RECQL5: variants seen among roughly 807,000 people sequenced by gnomAD.
RECQL5 encodes the protein RecQ like helicase 5.
Under a neutral mutation model 103.4 loss-of-function variants are expected in RECQL5, and 88 were observed. That is an observed-to-expected ratio of 0.85 (90% CI 0.72 to 1.02). The LOEUF (loss-of-function observed/expected upper bound fraction) is 1.02. Among genes scored for constraint, RECQL5 ranks in the 50% least tolerant of loss-of-function variants. RECQL5 has a pLI of 0.00. For missense variants in RECQL5, 1,232 were observed against 1,284.3 expected, an observed-to-expected ratio of 0.96 and a Z score of 0.62; for synonymous variants, 552 against 507.9, an observed-to-expected ratio of 1.09 and a Z score of -1.17.
chr17:75,629,416 G>C lies in RECQL5; in HGVS notation c.2007C>G (p.Ala669=), dbSNP rs2059164607. 6.6e-7 allele frequency: 1 copy of C among 1,506,318 alleles called. No individual in the cohort carries two copies. The highest frequency in any genetic ancestry group is 1.4e-5 in the African/African-American group (1 of 71,504). The allele number at this position is 1,506,318 out of a possible 1,614,324, so 93.3% of individuals were successfully genotyped here. Reference sequence around the variant, plus strand: ...TCCGAGTTGTCTCCATCAGTTCCGTGGCCGTCTGGAACGGGCAGGAGCCTT... The same window carrying C: ...TCCGAGTTGTCTCCATCAGTTCCGTCGCCGTCTGGAACGGGCAGGAGCCTT... ...FPKGSCPFQT[A]TELMETTRIR... is the part of the protein sequence containing the mutation. The change falls in exon 16 of 20, where the codon GCC becomes GCG. Residue 669 remains alanine (A), a synonymous_variant. Coordinates refer to ENST00000317905, the MANE Select transcript of RECQL5 (RefSeq NM_004259.7).
intron 17 of RECQL5, 57 bp downstream of exon 17, chr17:75,628,615 T>A: frequency 6.5e-7 from 1 of 1,529,154 alleles, no homozygotes; most frequent in Non-Finnish European, 8.7e-7. Flanking sequence ...GCACAACAGC[T>A]CCTGGCCTCG....
intron 8 of RECQL5, 63 bp from the exon 9 acceptor site, chr17:75,631,731 C>T (rs1040754647): frequency 8.3e-6 from 13 of 1,560,530 alleles, no homozygotes; most frequent in Non-Finnish European, 1.1e-5. Flanking sequence ...GTCTGTTCAC[C>T]CGAGCCTGAA....
chr17:75,636,701 C>G lies in RECQL5; in HGVS notation c.1230-5033G>C, dbSNP rs1445110052. 6.6e-6 allele frequency: 1 copy of G among 152,368 alleles called. No individual in the cohort carries two copies. The highest frequency in any genetic ancestry group is 1.5e-5 in the Non-Finnish European group (1 of 68,138). The allele number at this position is 152,368 out of a possible 1,614,324, so 9.4% of individuals were successfully genotyped here. A position where few individuals can be genotyped will look rare whatever the true frequency, so the allele number is the denominator to read the frequency against. Reference sequence around the variant, plus strand: ...GAACAGGACCCCTCAGCTCCCCCACCTGCGCCATGAAGGTTCAGTCGCGGG... The same window carrying G: ...GAACAGGACCCCTCAGCTCCCCCACGTGCGCCATGAAGGTTCAGTCGCGGG... On this transcript the variant is annotated intron_variant, in intron 8 of 19. Coordinates refer to ENST00000317905, the MANE Select transcript of RECQL5 (RefSeq NM_004259.7). This position sits in a 1 kb window ranked among gnomAD's most constrained non-coding sequence, Gnocchi z 5.4.
intron 7 of RECQL5, among the ~76,000 whole-genome samples, chr17:75,651,497 GCCT>G (rs2059555404): frequency 6.6e-6 from 1 of 152,140 alleles, no homozygotes; most frequent in South Asian, 2.1e-4. Context: ...GGCAGCGCAT[GCCT>G]GTAGTCCCAG....
At chr17:75,633,542 T>C in intron 8 of RECQL5, 3 of 1,284,356 alleles carry the variant, frequency 2.3e-6, no homozygotes, top group Non-Finnish European at 2.0e-6. Context: ...CCAAGACGCC[T>C]TCAGATGCTG....
At chr17:75,650,820 C>A (rs1043696329) in intron 8 of RECQL5, 1 of 1,514,344 alleles carries the variant, frequency 6.6e-7, no homozygotes, top group African/African-American at 1.4e-5. Flanking sequence ...AGGGTGAGGA[C>A]TACTCAAGTG....
chr17:75,645,699 C>T (rs904157270), intron 8 of RECQL5, among the ~76,000 whole-genome samples: 1 of 152,172 alleles, frequency 6.6e-6, no homozygotes, highest in Non-Finnish European at 1.5e-5. Context: ...TCAGGTAACC[C>T]GGGTCAGTGA....
intron 7 of RECQL5, among the ~76,000 whole-genome samples, chr17:75,653,085 C>T (rs901187098): frequency 6.6e-6 from 1 of 152,210 alleles, no homozygotes; most frequent in Admixed American, 6.5e-5. Flanking sequence ...GAGGTGGGGG[C>T]ACCAGTCCCT....
At chr17:75,630,154 C>G (rs564304667) in intron 14 of RECQL5, 30 bp downstream of exon 14, 2 of 1,513,396 alleles carry the variant, frequency 1.3e-6, no homozygotes, top group South Asian at 1.3e-5. Flanking sequence ...GCCCCTGCAA[C>G]GACCCTGGGT....
chr17:75,644,488 T>C (rs2059467081), intron 8 of RECQL5, among the ~76,000 whole-genome samples: 1 of 151,400 alleles, frequency 6.6e-6, no homozygotes, highest in Non-Finnish European at 1.5e-5. Context: ...ACACCTGTGG[T>C]CCCAGCTACT....
In RECQL5 at chr17:75,634,028, C is replaced by T. The variant is rs780485545; in HGVS notation, c.1230-2360G>A. On this transcript the variant is annotated intron_variant, in intron 8 of 19. Transcript: ENST00000317905. ...CGCGACGGTAATTTGACACTTGGAT[C>T]TCCAGGACGACCAACAACAAAAAAG... 3.7e-5 allele frequency: 36 copies of T among 985,488 alleles called. No individual in the cohort carries two copies. The South Asian group carries it at 1.2e-3, about 32-fold the overall frequency. 61.0% of individuals were successfully genotyped at this position (985,488 alleles called of 1,614,324 possible).
In RECQL5 at chr17:75,630,656, G is replaced by A; in HGVS notation, c.1681C>T (p.Leu561=). ...CGTGTTGACTGGCGGTTGCTGCTCAGCGCCTCCTCCAGAAGCCGCAGGCAG... is the reference window on the plus strand; with the variant it reads ...CGTGTTGACTGGCGGTTGCTGCTCAACGCCTCCTCCAGAAGCCGCAGGCAG... ...EHCLRLLEEA[L]SSNRQSTRTA... is the part of the protein sequence containing the mutation. Residue 561 remains leucine (L), a synonymous_variant, in exon 13 of 20, where the codon CTG becomes TTG. Coordinates refer to ENST00000317905, the MANE Select transcript of RECQL5 (RefSeq NM_004259.7). 6.2e-7 allele frequency: 1 copy of A among 1,613,358 alleles called. No individual in the cohort carries two copies.
At chr17:75,629,932 G>A in intron 14 of RECQL5, 90 bp from the exon 15 acceptor site, 1 of 1,474,598 alleles carries the variant, frequency 6.8e-7, no homozygotes, top group South Asian at 1.4e-5. Context: ...GGCACTACAA[G>A]TGGGTTTCTG....
At position 75,643,774 on chromosome 17, in the gene RECQL5, CCT is replaced by C. The variant is rs1448400829; in HGVS notation, c.1229+7410_1229+7411del. Reference sequence around the variant, plus strand: ...TAGAGGACGTCTGACTTGGTCACCACCTCTCTGTTCCCGCCACTGTGCCATCC... The same window carrying C: ...TAGAGGACGTCTGACTTGGTCACCACCTCTGTTCCCGCCACTGTGCCATCC... On this transcript the variant is annotated intron_variant, in intron 8 of 19. Transcript: ENST00000317905. Among the ~76,000 whole-genome samples the C allele has an allele frequency of 2.0e-5, 3 of 152,336 alleles. No individual in the cohort carries two copies. The South Asian group carries it at 6.2e-4, about 32-fold the overall frequency.
rs1412007664 is a variant in RECQL5, at chr17:75,640,503, G to A, written c.1230-8835C>T. 1.3e-5 allele frequency among the ~76,000 whole-genome samples: 2 copies of A among 152,130 alleles called. No homozygotes were observed. Among genetic ancestry groups the A allele is most frequent in the African/African-American group, 4.8e-5 (2 of 41,438 alleles). On this transcript the variant is annotated intron_variant, in intron 8 of 19. Transcript: ENST00000317905. This position sits in a 1 kb window ranked among gnomAD's most constrained non-coding sequence, Gnocchi z 4.6. ...CCCTCATCCTCTGATATGCTGCTTGGGTGATGGGCGGTGCTGGGGACTGGG... is the reference window on the plus strand; with the variant it reads ...CCCTCATCCTCTGATATGCTGCTTGAGTGATGGGCGGTGCTGGGGACTGGG...
intron 8 of RECQL5, chr17:75,641,007 C>T: frequency 6.8e-7 from 1 of 1,477,922 alleles, no homozygotes; most frequent in Non-Finnish European, 9.0e-7. Context: ...CTCCCCTGGC[C>T]CCAGCTCTGG....
chr17:75,629,989 C>G (rs2059176465), intron 14 of RECQL5, 147 bp from the exon 15 acceptor site: 1 of 1,174,494 alleles, frequency 8.5e-7, no homozygotes, highest in African/African-American at 1.5e-5. Context: ...TTTTAGGCCT[C>G]CCATCCTCAC....
In RECQL5 at chr17:75,627,500, G is replaced by A. The variant is rs370080399; in HGVS notation, c.2898C>T (p.Leu966=). 1.9e-6 allele frequency: 3 copies of A among 1,613,924 alleles called. No homozygotes were observed. The East Asian group carries it at 6.7e-5, about 36-fold the overall frequency. Residue 966 remains leucine (L), a synonymous_variant, in exon 20 of 20, where the codon CTC becomes CTT. Transcript: ENST00000317905. ...CCCGGCCATGGAAGAAGTGCCTGAT[G>A]AGGTTCTGGGCCTCTTCTTTCACTA... ...GRSVKEEAQN[L]IRHFFHGRAR...
intron 8 of RECQL5, chr17:75,650,076 C>CT: frequency 1.0e-6 from 1 of 985,830 alleles, no homozygotes; most frequent in Non-Finnish European, 1.2e-6. Flanking sequence ...AACAGGAACA[C>CT]TTGGCCCTTT....
Sources: allele counts gnomAD v4.1 joint callset (sites outside exome capture counted in the v4.1 genomes callset), GRCh38; gene constraint gnomAD v4.1.1; non-coding constraint Gnocchi (gnomAD v3.1); transcripts MANE v1.5; gene names NCBI Gene and HGNC (gene_info 2026-07-23, HGNC 2026-07-21).